Variants in SLC25A21 observed in about 807,000 individuals in gnomAD.
SLC25A21 encodes the protein solute carrier family 25 member 21.
In SLC25A21, 47 loss-of-function variants were observed where a neutral mutation model predicts 43.8. The ratio of observed to expected loss-of-function variants is 1.07; its 90% CI spans 0.85 to 1.37. The LOEUF is 1.37. Among genes scored for constraint, SLC25A21 ranks in the 40% most tolerant of loss-of-function variants. SLC25A21 has a pLI of 0.00. For missense variants in SLC25A21, 352 were observed against 350.2 expected, an observed-to-expected ratio of 1.00 and a Z score of -0.04; for synonymous variants, 131 against 121.3, an observed-to-expected ratio of 1.08 and a Z score of -0.52.
intron 2 of SLC25A21, among the ~76,000 whole-genome samples, chr14:36,818,852 T>A (rs1271700625): frequency 1.3e-5 from 2 of 152,198 alleles, no homozygotes; most frequent in Admixed American, 6.5e-5. Context: ...CAAGCTGCAT[T>A]TTCTGCTAAC....
intron 1 of SLC25A21, among the ~76,000 whole-genome samples, chr14:37,113,909 C>T (rs983482985): frequency 2.6e-4 from 39 of 149,164 alleles, no homozygotes; most frequent in Non-Finnish European, 4.9e-4. Flanking sequence ...TTTGTTATAA[C>T]TTATTCTTCC....
At chr14:36,831,464 G>A (rs1889036093) in intron 2 of SLC25A21, among the ~76,000 whole-genome samples, 2 of 152,106 alleles carry the variant, frequency 1.3e-5, no homozygotes, top group East Asian at 3.9e-4. Context: ...AGCTCTTTAA[G>A]GCTAAAATGC....
At chr14:36,738,579 C>T (rs929679961) in intron 3 of SLC25A21, among the ~76,000 whole-genome samples, 3 of 152,216 alleles carry the variant, frequency 2.0e-5, no homozygotes, top group African/African-American at 4.8e-5. Flanking sequence ...TTCTCTCCGA[C>T]ATGACGGCAA....
At chr14:36,980,831 T>C (rs1040650223) in intron 1 of SLC25A21, among the ~76,000 whole-genome samples, 2 of 152,138 alleles carry the variant, frequency 1.3e-5, no homozygotes, top group African/African-American at 4.8e-5. Context: ...AAAAGCCAAA[T>C]TGACAAATGG....
rs368123837 is a variant in SLC25A21 at position 37,114,322 on chromosome 14, A to G, written c.70+57959T>C. On this transcript the variant is annotated intron_variant, in intron 1 of 9. Coordinates refer to ENST00000331299, the MANE Select transcript of SLC25A21 (RefSeq NM_030631.4). ...GCCCTAATTTGAAATGATGTTTGAA[A>G]GAAAGCAATGCAACTAGGACCAATT... Among the ~76,000 whole-genome samples the G allele has an allele frequency of 5.3e-5, 8 of 152,330 alleles. No individual in the cohort carries two copies. In the South Asian group the frequency reaches 6.2e-4, roughly 12 times the overall value.
chr14:36,679,005 G>A lies in SLC25A21; in HGVS notation c.*1653C>T, dbSNP rs1340558506. 1 of 938,496 alleles carries A rather than the reference G, an allele frequency of 1.1e-6. No individual in the cohort carries two copies. The highest frequency in any genetic ancestry group is 9.6e-5 in the Admixed American group (1 of 10,448). 58.1% of individuals were successfully genotyped at this position (938,496 alleles called of 1,614,324 possible). A position where few individuals can be genotyped will look rare whatever the true frequency, so the allele number is the denominator to read the frequency against. On this transcript the variant is annotated 3_prime_UTR_variant, in exon 10 of 10. Coordinates refer to ENST00000331299, the MANE Select transcript of SLC25A21 (RefSeq NM_030631.4). ...TTCCTCTATCTCATAGATGGTAAAA[G>A]TGTTGCTTTTAAACTGGCAAATGCA...
chr14:37,010,576 G>T (rs752359393), intron 1 of SLC25A21, among the ~76,000 whole-genome samples: 3 of 152,196 alleles, frequency 2.0e-5, no homozygotes, highest in African/African-American at 7.2e-5. Flanking sequence ...TTGGAGAGAA[G>T]TGTGACTTGG....
intron 3 of SLC25A21, among the ~76,000 whole-genome samples, chr14:36,750,740 G>A (rs189116447): frequency 3.3e-5 from 5 of 152,146 alleles, no homozygotes; most frequent in African/African-American, 9.6e-5. Flanking sequence ...ACTCTATCAC[G>A]CTAATGAAGT....
chr14:36,829,119 A>G (rs1361559612), intron 2 of SLC25A21, among the ~76,000 whole-genome samples: 2 of 151,774 alleles, frequency 1.3e-5, no homozygotes, highest in Non-Finnish European at 2.9e-5. Flanking sequence ...GCTGGTCTTG[A>G]ACTCCCGAAC....
At chr14:37,095,490 C>G in intron 1 of SLC25A21, among the ~76,000 whole-genome samples, 1 of 152,246 alleles carries the variant, frequency 6.6e-6, no homozygotes, top group South Asian at 2.1e-4. Context: ...TGAACTCTAA[C>G]GTGGGCGACA....
intron 1 of SLC25A21, among the ~76,000 whole-genome samples, chr14:36,913,365 T>G (rs767987734): frequency 2.6e-5 from 4 of 152,206 alleles, no homozygotes; most frequent in Non-Finnish European, 5.9e-5. Flanking sequence ...CATGGGTCAC[T>G]GCAACCTCCG....
intron 1 of SLC25A21, among the ~76,000 whole-genome samples, chr14:37,071,660 G>T (rs1594779554): frequency 6.6e-6 from 1 of 152,138 alleles, no homozygotes; most frequent in Non-Finnish European, 1.5e-5. Flanking sequence ...TTATAGTCTA[G>T]ATCCAGAGAT....
rs1472367862 is a variant in SLC25A21, at chr14:36,679,438, A to T, written c.*1220T>A. On this transcript the variant is annotated 3_prime_UTR_variant, in exon 10 of 10. Coordinates refer to ENST00000331299, the MANE Select transcript of SLC25A21 (RefSeq NM_030631.4). ...CGTAGTAGAAATAGCCCACGGTAGT[A>T]ACTTAGGACAGGTGTCATATGGACT... 1.9e-5 allele frequency: 19 copies of T among 985,238 alleles called. No homozygotes were observed. Among genetic ancestry groups the T allele is most frequent in the Non-Finnish European group, 2.2e-5 (18 of 829,862 alleles). The allele number at this position is 985,238 out of a possible 1,614,324, so 61.0% of individuals were successfully genotyped here.
At chr14:37,085,347 T>C (rs539000393) in intron 1 of SLC25A21, among the ~76,000 whole-genome samples, 1 of 152,310 alleles carries the variant, frequency 6.6e-6, no homozygotes, top group African/African-American at 2.4e-5. Context: ...CATTAAAGAG[T>C]TCTCTGTCTT....
chr14:37,138,955 C>G (rs915847742), intron 1 of SLC25A21, among the ~76,000 whole-genome samples: 1 of 152,048 alleles, frequency 6.6e-6, no homozygotes, highest in Non-Finnish European at 1.5e-5. Context: ...TGTTTCCCAT[C>G]TAGCTGGCCA....
intron 3 of SLC25A21, among the ~76,000 whole-genome samples, chr14:36,767,615 A>C (rs1483078819): frequency 1.3e-5 from 2 of 152,212 alleles, no homozygotes; most frequent in African/African-American, 4.8e-5. Flanking sequence ...GAGTGAGTCA[A>C]ATGTGTAAGA....
intron 1 of SLC25A21, among the ~76,000 whole-genome samples, chr14:37,016,535 TG>T (rs1162212862): frequency 1.3e-5 from 2 of 152,108 alleles, no homozygotes; most frequent in African/African-American, 4.8e-5. Context: ...GGCTCTTTTT[TG>T]ATTTTTGGCA....
chr14:36,930,937 G>T (rs1174628574), intron 1 of SLC25A21, among the ~76,000 whole-genome samples: 1 of 152,024 alleles, frequency 6.6e-6, no homozygotes, highest in Non-Finnish European at 1.5e-5. Context: ...CCATCCCCCT[G>T]CTTCTTCATC....
At chr14:36,954,795 C>T (rs933970296) in intron 1 of SLC25A21, among the ~76,000 whole-genome samples, 4 of 152,118 alleles carry the variant, frequency 2.6e-5, no homozygotes, top group Admixed American at 6.5e-5. Flanking sequence ...CCTTCCTCTA[C>T]CTTTCTTCAT....
Sources: allele counts gnomAD v4.1 joint callset (sites outside exome capture counted in the v4.1 genomes callset), GRCh38; gene constraint gnomAD v4.1.1; transcripts MANE v1.5; gene names NCBI Gene and HGNC (gene_info 2026-07-23, HGNC 2026-07-21).